The following CDH4 variants were observed in gnomAD, a reference collection of about 807,000 sequenced individuals.
The protein encoded by CDH4 is cadherin 4, also known as cadherin-4.
Under a neutral mutation model 86.0 loss-of-function variants are expected in CDH4, and 33 were observed. That is an observed-to-expected ratio of 0.38 (90% CI 0.29 to 0.51). The LOEUF is 0.51. Ranked by LOEUF, CDH4 falls within the 20% of genes least tolerant of loss-of-function variation. The probability of loss-of-function intolerance (pLI) is 0.86; values close to 1 mark genes in which losing one functional copy is unlikely to be tolerated. For synonymous variants in CDH4, 555 were observed against 549.4 expected (o/e 1.01, Z -0.14); for missense variants, 1,114 against 1,307.4 (o/e 0.85, Z 2.28).
chr20:61,864,752 A>T (rs1196460616), intron 6 of CDH4, among the ~76,000 whole-genome samples: 1 of 152,124 alleles, frequency 6.6e-6, no homozygotes. Flanking sequence ...GACAAACCCG[A>T]TTATCTCCAC....
At chr20:61,429,810 G>A (rs1172666714) in intron 2 of CDH4, among the ~76,000 whole-genome samples, 1 of 152,080 alleles carries the variant, frequency 6.6e-6, no homozygotes. Flanking sequence ...TGGATAGGTA[G>A]ATGGTTGGGT....
At chr20:61,596,074 C>A (rs6121718) in intron 2 of CDH4, among the ~76,000 whole-genome samples, 7,784 of 152,306 alleles carry the variant, frequency 0.051, 373 homozygotes, top group African/African-American at 0.12. Context: ...AGTGCCGGGA[C>A]CAACTGTCCT....
At chr20:61,469,875 T>A (rs1241318106) in intron 2 of CDH4, among the ~76,000 whole-genome samples, 3 of 152,184 alleles carry the variant, frequency 2.0e-5, no homozygotes, top group Non-Finnish European at 4.4e-5. Context: ...ACTGAAGGTA[T>A]GTGGATTTGT....
At chr20:61,772,939 C>T (rs1160086397) in intron 3 of CDH4, 64 bp from the exon 4 acceptor site, 6 of 1,458,286 alleles carry the variant, frequency 4.1e-6, no homozygotes, top group African/African-American at 2.8e-5. Context: ...TAGCAGATGC[C>T]ATTTTCCTCT....
intron 2 of CDH4, among the ~76,000 whole-genome samples, chr20:61,364,940 A>G (rs2084803266): frequency 6.6e-6 from 1 of 152,174 alleles, no homozygotes; most frequent in Non-Finnish European, 1.5e-5. Flanking sequence ...GGTGGGGAGC[A>G]GCAGCTTTGT....
At position 61,810,446 on chromosome 20, in the gene CDH4, G is replaced by A. The variant is rs1043080360; in HGVS notation, c.577-34222G>A. Among the ~76,000 whole-genome samples, 5 of 152,058 alleles carry A rather than the reference G, an allele frequency of 3.3e-5. No individual in the cohort carries two copies. Among genetic ancestry groups the A allele is most frequent in the African/African-American group, 1.2e-4 (5 of 41,380 alleles). The stretch of plus-strand genomic sequence containing the variant: ...GGTTCTCAGACCCAAGTTCTGACCC[G>A]GGTTCTCAGACCCAAGTTCTGACCC... On this transcript the variant is annotated intron_variant, in intron 4 of 15. Transcript: ENST00000614565. This position sits in a 1 kb window ranked among gnomAD's most constrained non-coding sequence, Gnocchi z 4.3.
At chr20:61,876,319 C>T (rs1450631041) in intron 7 of CDH4, among the ~76,000 whole-genome samples, 3 of 152,330 alleles carry the variant, frequency 2.0e-5, no homozygotes, top group East Asian at 1.9e-4. Context: ...TAGGGAGATC[C>T]GATGGGGCCT....
chr20:61,523,578 C>T (rs577213789), intron 2 of CDH4, among the ~76,000 whole-genome samples: 6 of 152,338 alleles, frequency 3.9e-5, no homozygotes, highest in Admixed American at 3.3e-4. Flanking sequence ...TCTATAAACA[C>T]CAGGGCAGAT....
intron 4 of CDH4, among the ~76,000 whole-genome samples, chr20:61,815,893 C>G (rs951423089): frequency 6.6e-6 from 1 of 152,202 alleles, no homozygotes; most frequent in African/African-American, 2.4e-5. Context: ...CCTGGCTGCT[C>G]CGTGAGCCGC....
chr20:61,608,098 C>T (rs2086658619), intron 2 of CDH4, among the ~76,000 whole-genome samples: 1 of 152,126 alleles, frequency 6.6e-6, no homozygotes, highest in African/African-American at 2.4e-5. Flanking sequence ...CCCCCAGACC[C>T]CAGGGTGTCT....
intron 2 of CDH4, among the ~76,000 whole-genome samples, chr20:61,592,434 G>GT (rs1278133256): frequency 6.6e-6 from 1 of 152,106 alleles, no homozygotes; most frequent in Non-Finnish European, 1.5e-5. Flanking sequence ...CAATGGTATG[G>GT]TTTTTTAAAA....
At position 61,885,476 on chromosome 20, in the gene CDH4, A is replaced by G. The variant is rs537078839; in HGVS notation, c.1051-9434A>G. ...TTCGTGTCTGCGTTTCATGCCTCTT[A>G]ATGGCTGAATAATATTCCGCTGCAT... On this transcript the variant is annotated intron_variant, in intron 7 of 15. Coordinates refer to ENST00000614565, the MANE Select transcript of CDH4 (RefSeq NM_001794.5). Among the ~76,000 whole-genome samples the G allele has an allele frequency of 2.6e-5, 4 of 152,226 alleles. No individual in the cohort carries two copies. The South Asian group carries it at 6.2e-4, about 24-fold the overall frequency.
intron 2 of CDH4, among the ~76,000 whole-genome samples, chr20:61,687,167 C>A (rs6061740): frequency 0.16 from 24,173 of 152,176 alleles, 2,286 homozygotes; most frequent in East Asian, 0.36. Context: ...ACTGAAGCAA[C>A]CACACCCTTT....
intron 3 of CDH4, among the ~76,000 whole-genome samples, chr20:61,752,992 T>C (rs1056686931): frequency 5.9e-5 from 9 of 152,220 alleles, no homozygotes; most frequent in Non-Finnish European, 7.3e-5. Context: ...GTTGTACTTA[T>C]AGTCTATTAC....
chr20:61,658,857 T>TG (rs1187746401), intron 2 of CDH4, among the ~76,000 whole-genome samples: 1 of 152,110 alleles, frequency 6.6e-6, no homozygotes, highest in Non-Finnish European at 1.5e-5. Flanking sequence ...CCTGTCCTAG[T>TG]GAACCCAGGG....
intron 2 of CDH4, among the ~76,000 whole-genome samples, chr20:61,563,805 A>G (rs2086240785): frequency 6.6e-6 from 1 of 152,166 alleles, no homozygotes; most frequent in Admixed American, 6.5e-5. Flanking sequence ...CGTAATGGGC[A>G]TAGGGTGCGT....
At chr20:61,319,738 G>A (rs2084497701) in intron 2 of CDH4, among the ~76,000 whole-genome samples, 1 of 151,590 alleles carries the variant, frequency 6.6e-6, no homozygotes, top group Admixed American at 6.6e-5. Context: ...TTGAGCCCAG[G>A]AGTTCAAGAC....
At chr20:61,451,825 A>G (rs1285782001) in intron 2 of CDH4, among the ~76,000 whole-genome samples, 1 of 152,198 alleles carries the variant, frequency 6.6e-6, no homozygotes, top group Non-Finnish European at 1.5e-5. Context: ...TTTGTCTCCA[A>G]AAGCCTGATC....
chr20:61,707,756 C>T (rs1445096081), intron 2 of CDH4, among the ~76,000 whole-genome samples: 1 of 152,150 alleles, frequency 6.6e-6, no homozygotes, highest in Non-Finnish European at 1.5e-5. Context: ...GTTAGAGTCT[C>T]ATGAGGAACG....
Sources: allele counts gnomAD v4.1 joint callset (sites outside exome capture counted in the v4.1 genomes callset), GRCh38; gene constraint gnomAD v4.1.1; non-coding constraint Gnocchi (gnomAD v3.1); transcripts MANE v1.5; gene names NCBI Gene and HGNC (gene_info 2026-07-23, HGNC 2026-07-21).